The following PLPP7 variants were observed in gnomAD, a reference collection of about 807,000 sequenced individuals.
PLPP7 encodes the protein phospholipid phosphatase 7 (inactive).
Under a neutral mutation model 16.9 loss-of-function variants are expected in PLPP7, and 11 were observed. That is an observed-to-expected ratio of 0.65 (90% CI 0.41 to 1.08). The LOEUF (loss-of-function observed/expected upper bound fraction) is 1.08, where lower values mean the gene tolerates loss of function less well. Among genes scored for constraint, PLPP7 ranks in the 50% least tolerant of loss-of-function variants. PLPP7 has a pLI of 0.00. For synonymous variants in PLPP7, 174 were observed against 175.1 expected, an observed-to-expected ratio of 0.99 and a Z score of 0.05; for missense variants, 358 against 397.1, an observed-to-expected ratio of 0.90 and a Z score of 0.84.
intron 1 of PLPP7, among the ~76,000 whole-genome samples, chr9:131,300,373 G>A (rs1307653116): frequency 1.3e-5 from 2 of 152,136 alleles, no homozygotes; most frequent in East Asian, 3.9e-4. Flanking sequence ...ATCGGGAAAA[G>A]CAATGTTTTG....
intron 1 of PLPP7, among the ~76,000 whole-genome samples, chr9:131,300,707 A>AG (rs1417578484): frequency 6.6e-6 from 1 of 151,246 alleles, no homozygotes; most frequent in Admixed American, 6.6e-5. Flanking sequence ...AAAAAAAAAA[A>AG]AAAAAAGGGA....
intron 1 of PLPP7, among the ~76,000 whole-genome samples, chr9:131,296,241 G>C (rs779852414): frequency 6.6e-6 from 1 of 152,064 alleles, no homozygotes; most frequent in Non-Finnish European, 1.5e-5. Flanking sequence ...TTTTTTGTTT[G>C]TTTTTTGTTT....
chr9:131,293,256 C>T (rs937065663), intron 1 of PLPP7, among the ~76,000 whole-genome samples: 1 of 152,024 alleles, frequency 6.6e-6, no homozygotes, highest in African/African-American at 2.4e-5. Context: ...GCATATCACC[C>T]GTGTTCACTG....
intron 1 of PLPP7, chr9:131,291,001 C>A: frequency 7.9e-7 from 1 of 1,259,892 alleles, no homozygotes; most frequent in Non-Finnish European, 1.1e-6. Flanking sequence ...CACTCACAGC[C>A]CCCTGGAGTT....
chr9:131,296,655 C>A (rs1835737115), intron 1 of PLPP7, among the ~76,000 whole-genome samples: 1 of 152,220 alleles, frequency 6.6e-6, no homozygotes. Context: ...GCCTCTGCCG[C>A]AGCTTGGGTC....
At chr9:131,306,807 G>C (rs1026144843) in intron 1 of PLPP7, among the ~76,000 whole-genome samples, 58 of 152,168 alleles carry the variant, frequency 3.8e-4, no homozygotes, top group African/African-American at 1.3e-3. Context: ...CGTGGGTATG[G>C]GGCATTCTTT....
In PLPP7 at chr9:131,303,134, C is replaced by G. The variant is rs547394014; in HGVS notation, c.452-4789C>G. Among the ~76,000 whole-genome samples the G allele has an allele frequency of 4.3e-4, 65 of 152,206 alleles. 1 individual carries two copies. In the South Asian group the frequency reaches 0.013, roughly 32 times the overall value. ...ATCACCTGAGGTCGGGAGTTCAAGACCAGGCTGACCAACATGGAGAAACTC... is the reference window on the plus strand; with the variant it reads ...ATCACCTGAGGTCGGGAGTTCAAGAGCAGGCTGACCAACATGGAGAAACTC... On this transcript the variant is annotated intron_variant, in intron 1 of 1. Coordinates refer to ENST00000372264, the MANE Select transcript of PLPP7 (RefSeq NM_032728.4).
At chr9:131,293,785 G>A (rs1332765670) in intron 1 of PLPP7, among the ~76,000 whole-genome samples, 2 of 152,046 alleles carry the variant, frequency 1.3e-5, no homozygotes, top group African/African-American at 4.8e-5. Context: ...GGATGTGAAG[G>A]GAGATGGCAA....
intron 1 of PLPP7, among the ~76,000 whole-genome samples, chr9:131,298,139 G>A (rs1835755596): frequency 1.3e-5 from 2 of 152,058 alleles, no homozygotes; most frequent in South Asian, 4.1e-4. Flanking sequence ...ATGAATCATG[G>A]CCCACATCCC....
intron 1 of PLPP7, among the ~76,000 whole-genome samples, chr9:131,302,699 C>A (rs1030559375): frequency 6.6e-6 from 1 of 152,346 alleles, no homozygotes; most frequent in Admixed American, 6.5e-5. Context: ...GCTCAGCCCC[C>A]TCCTGTGCTG....
At chr9:131,306,282 C>T (rs1835851589) in intron 1 of PLPP7, among the ~76,000 whole-genome samples, 1 of 151,998 alleles carries the variant, frequency 6.6e-6, no homozygotes, top group South Asian at 2.1e-4. Context: ...TGGCTCATGT[C>T]TGTAATCCCA....
At chr9:131,297,309 T>C (rs985459595) in intron 1 of PLPP7, among the ~76,000 whole-genome samples, 1 of 152,192 alleles carries the variant, frequency 6.6e-6, no homozygotes, top group Non-Finnish European at 1.5e-5. Flanking sequence ...GCCATCAGTC[T>C]TTCTATTGAT....
At chr9:131,302,924 A>C (rs145756243) in intron 1 of PLPP7, among the ~76,000 whole-genome samples, 18 of 152,318 alleles carry the variant, frequency 1.2e-4, no homozygotes, top group African/African-American at 4.3e-4. Context: ...AGTTAGGTGC[A>C]CCACAGTGCC....
chr9:131,292,993 A>G, intron 1 of PLPP7: 1 of 980,442 alleles, frequency 1.0e-6, no homozygotes, highest in Non-Finnish European at 1.2e-6. Flanking sequence ...TAAAAACATC[A>G]TGTATTGAGC....
intron 1 of PLPP7, among the ~76,000 whole-genome samples, chr9:131,303,115 T>C (rs942271808): frequency 6.6e-6 from 1 of 152,180 alleles, no homozygotes; most frequent in African/African-American, 2.4e-5. Flanking sequence ...GCGGATCACC[T>C]GAGGTCGGGA....
chr9:131,298,053 T>A (rs1272524940), intron 1 of PLPP7, among the ~76,000 whole-genome samples: 1 of 152,156 alleles, frequency 6.6e-6, no homozygotes, highest in Non-Finnish European at 1.5e-5. Flanking sequence ...GTTTGTCCTG[T>A]CTGTCTCTTG....
chr9:131,304,335 G>A (rs557996189), intron 1 of PLPP7, among the ~76,000 whole-genome samples: 19 of 152,294 alleles, frequency 1.2e-4, no homozygotes, highest in African/African-American at 4.3e-4. Context: ...CTGTGTTTCC[G>A]AAATGGGGAA....
At chr9:131,304,673 C>T (rs1399747081) in intron 1 of PLPP7, among the ~76,000 whole-genome samples, 1 of 152,142 alleles carries the variant, frequency 6.6e-6, no homozygotes, top group African/African-American at 2.4e-5. Flanking sequence ...AAAGAGCCCA[C>T]CTCGCTGGTT....
rs187824945 is a variant in PLPP7, at chr9:131,307,320, G to A, written c.452-603G>A. Among the ~76,000 whole-genome samples, 469 of 151,592 alleles carry A rather than the reference G, an allele frequency of 3.1e-3. 3 individuals carry two copies. Among genetic ancestry groups the A allele is most frequent in the African/African-American group, 0.011 (456 of 41,294 alleles). On this transcript the variant is annotated intron_variant, in intron 1 of 1. Transcript: ENST00000372264. ...TAATCCCAGCACAATGGGAGGCTGA[G>A]GCGGGTGGATCACCTGAGGTCAGGA...
Sources: allele counts gnomAD v4.1 joint callset (sites outside exome capture counted in the v4.1 genomes callset), GRCh38; gene constraint gnomAD v4.1.1; transcripts MANE v1.5; gene names NCBI Gene and HGNC (gene_info 2026-07-23, HGNC 2026-07-21).